The following AKAP12 variants were observed in gnomAD, a reference collection of about 807,000 sequenced individuals.
AKAP12 encodes the protein A-kinase anchoring protein 12, also known as A-kinase anchor protein 12.
A neutral mutation model predicts 79.9 loss-of-function variants in AKAP12; 32 were observed. The observed-to-expected ratio is 0.40, with a 90% CI of 0.30 to 0.54. The LOEUF is 0.54. Among genes scored for constraint, AKAP12 ranks in the 20% least tolerant of loss-of-function variants. AKAP12 has a pLI of 0.48. For missense variants in AKAP12, 2,074 were observed against 2,177.0 expected (o/e 0.95, Z 0.94); for synonymous variants, 808 against 857.0 (o/e 0.94, Z 1.00).
In AKAP12 at chr6:151,316,884, C is replaced by T. The variant is rs551533856; in HGVS notation, c.319+10981C>T. 2.5e-4 allele frequency among the ~76,000 whole-genome samples: 38 copies of T among 152,234 alleles called. No homozygotes were observed. In the South Asian group the frequency reaches 2.7e-3, roughly 11 times the overall value. ...AACTCCTGACCTCAAGTGATCAGCC[C>T]GCCTTGGCCTCTCAAAGTGCTGGGA... is the stretch of plus-strand genomic sequence containing the variant. On this transcript the variant is annotated intron_variant, in intron 3 of 4. Transcript: ENST00000402676.
chr6:151,334,738 C>G (rs1390369417), intron 3 of AKAP12, among the ~76,000 whole-genome samples: 1 of 151,642 alleles, frequency 6.6e-6, no homozygotes, highest in African/African-American at 2.4e-5. Flanking sequence ...TCTCCTGCCT[C>G]AGCCTCCCGA....
rs951389392 is a variant in AKAP12 at position 151,324,313 on chromosome 6, G to C, written c.319+18410G>C. 4 of 985,284 alleles carry C rather than the reference G, an allele frequency of 4.1e-6. No homozygotes were observed. In the African/African-American group the frequency reaches 7.0e-5, roughly 17 times the overall value. 61.0% of individuals were successfully genotyped at this position (985,284 alleles called of 1,614,324 possible). A position where few individuals can be genotyped will look rare whatever the true frequency, so the allele number is the denominator to read the frequency against. On this transcript the variant is annotated intron_variant, in intron 3 of 4. Transcript: ENST00000402676. ...TGCCAGGATGTGAAACGGAAGCCAG[G>C]CTTTTGGAGAGGCTGAAGCTGATTT...
intron 3 of AKAP12, among the ~76,000 whole-genome samples, chr6:151,326,897 A>C (rs1445396996): frequency 6.6e-6 from 1 of 151,646 alleles, no homozygotes; most frequent in Non-Finnish European, 1.5e-5. Flanking sequence ...GCTTACTGCA[A>C]CCTCCACCTC....
At chr6:151,292,767 G>C (rs10457874) in intron 2 of AKAP12, among the ~76,000 whole-genome samples, 5 of 152,228 alleles carry the variant, frequency 3.3e-5, no homozygotes, top group African/African-American at 1.2e-4. Context: ...GCGTGTTGAT[G>C]TGTGCTGCCT....
At chr6:151,256,934 C>A (rs1422868995) in intron 2 of AKAP12, among the ~76,000 whole-genome samples, 1 of 129,464 alleles carries the variant, frequency 7.7e-6, no homozygotes, top group Non-Finnish European at 1.6e-5. Context: ...CAGGCGTGAG[C>A]CACCGCGCCC....
chr6:151,263,570 T>C (rs1166245975), intron 2 of AKAP12, among the ~76,000 whole-genome samples: 1 of 152,072 alleles, frequency 6.6e-6, no homozygotes, highest in Non-Finnish European at 1.5e-5. Flanking sequence ...TTGAGAGATT[T>C]TCTTTTCTTT....
At chr6:151,242,219 T>G (rs2114671667) in intron 2 of AKAP12, among the ~76,000 whole-genome samples, 1 of 152,186 alleles carries the variant, frequency 6.6e-6, no homozygotes, top group South Asian at 2.1e-4. Flanking sequence ...TGGGTGACAT[T>G]CCCCCCACCG....
chr6:151,305,829 A>G lies in AKAP12; in HGVS notation c.245A>G (p.Asn82Ser), dbSNP rs762349124. The change falls in exon 3 of 5, where the codon AAT becomes AGT. Residue 82 changes from asparagine to serine, a missense_variant. Physicochemically the swap from Asn to Ser is conservative, Grantham distance 46. Around this residue, in one of 3 missense-constraint regions of AKAP12, gnomAD observed 1,428 missense variants for 1,451.0 expected, o/e 0.98. Coordinates refer to ENST00000402676, the MANE Select transcript of AKAP12 (RefSeq NM_005100.4). ...DELSLQEGDL[N>S]GQKGALNGQG... ...CTCAGCCTCCAGGAGGGTGACCTAA[A>G]TGGCCAGAAAGGAGCCCTGAACGGT... is the stretch of plus-strand genomic sequence containing the variant. 1.2e-5 allele frequency: 19 copies of G among 1,614,098 alleles called. 1 individual carries two copies. In the South Asian group the frequency reaches 2.1e-4, roughly 18 times the overall value.
intron 2 of AKAP12, among the ~76,000 whole-genome samples, chr6:151,284,094 G>A (rs1375792778): frequency 6.6e-6 from 1 of 152,148 alleles, no homozygotes. Context: ...GTGAACGCAC[G>A]AGTAACCCTC....
chr6:151,354,213 A>T (rs1435105645), intron 4 of AKAP12, among the ~76,000 whole-genome samples: 4 of 152,078 alleles, frequency 2.6e-5, no homozygotes, highest in Admixed American at 6.6e-5. Flanking sequence ...AACTGCCTGA[A>T]ATATAGCTGA....
chr6:151,269,496 T>C (rs1348646442), intron 2 of AKAP12, among the ~76,000 whole-genome samples: 2 of 152,170 alleles, frequency 1.3e-5, no homozygotes, highest in African/African-American at 4.8e-5. Context: ...CAACAGCACT[T>C]GAATCTGATT....
intron 2 of AKAP12, among the ~76,000 whole-genome samples, chr6:151,285,932 A>T (rs2485545): frequency 1.3e-5 from 2 of 151,398 alleles, no homozygotes; most frequent in Non-Finnish European, 2.9e-5. Context: ...GGCTGGAGTG[A>T]AATGGCGCAA....
At chr6:151,296,865 A>G (rs1484728667) in intron 2 of AKAP12, among the ~76,000 whole-genome samples, 1 of 152,160 alleles carries the variant, frequency 6.6e-6, no homozygotes, top group African/African-American at 2.4e-5. Context: ...CCTCACAAAA[A>G]TTAGGGCTAT....
intron 3 of AKAP12, among the ~76,000 whole-genome samples, chr6:151,323,517 C>T (rs1259266440): frequency 6.6e-6 from 1 of 150,688 alleles, no homozygotes; most frequent in Non-Finnish European, 1.5e-5. Context: ...CGCGTCATTG[C>T]ACCCCAGCCT....
chr6:151,345,682 AG>A (rs1424581719), intron 3 of AKAP12, among the ~76,000 whole-genome samples: 1 of 151,464 alleles, frequency 6.6e-6, no homozygotes, highest in East Asian at 2.0e-4. Context: ...CACTAGTCCC[AG>A]CTACTCGGGA....
intron 3 of AKAP12, among the ~76,000 whole-genome samples, chr6:151,347,983 A>G (rs373548591): frequency 3.3e-5 from 5 of 151,764 alleles, no homozygotes; most frequent in Admixed American, 1.3e-4. Flanking sequence ...CATTCTGGCT[A>G]ACACGGTGAA....
At chr6:151,269,735 T>G (rs920693474) in intron 2 of AKAP12, among the ~76,000 whole-genome samples, 2 of 152,222 alleles carry the variant, frequency 1.3e-5, no homozygotes, top group African/African-American at 4.8e-5. Context: ...GTTAAGATAA[T>G]AATTCACGTA....
At chr6:151,345,885 GTGTGTGTATA>G (rs1188818207) in intron 3 of AKAP12, among the ~76,000 whole-genome samples, 7 of 113,538 alleles carry the variant, frequency 6.2e-5, no homozygotes, top group African/African-American at 1.9e-4. Flanking sequence ...TGTGAAGGAT[GTGTGTGTATA>G]TGTGTGTGTG....
chr6:151,266,286 TCTTTA>T (rs1201119300), intron 2 of AKAP12, among the ~76,000 whole-genome samples: 1 of 152,228 alleles, frequency 6.6e-6, no homozygotes, highest in African/African-American at 2.4e-5. Context: ...AATTTTTTGA[TCTTTA>T]CTTCAATTAT....
Sources: gnomAD v4.1 joint callset for allele counts (sites outside exome capture counted in the v4.1 genomes callset) on GRCh38, gnomAD v4.1.1 for gene constraint, gnomAD v4.1.1 regional missense constraint, MANE v1.5 for transcripts, NCBI Gene and HGNC (gene_info 2026-07-23, HGNC 2026-07-21) for gene names.